The following CNTNAP3B variants were observed in gnomAD, a reference collection of about 807,000 sequenced individuals.
The protein encoded by CNTNAP3B is contactin associated protein family member 3B, also known as contactin-associated protein-like 3B.
CNTNAP3B carries 25 observed loss-of-function variants against 108.9 expected under a neutral mutation model. The observed-to-expected ratio is 0.23, with a 90% CI of 0.17 to 0.32. The LOEUF (loss-of-function observed/expected upper bound fraction) is 0.32, where lower values mean the gene tolerates loss of function less well. Among genes scored for constraint, CNTNAP3B ranks in the 10% least tolerant of loss-of-function variants. CNTNAP3B has a pLI of 1.00. For missense variants in CNTNAP3B, 252 were observed against 1,210.4 expected, an observed-to-expected ratio of 0.21 and a Z score of 11.75; for synonymous variants, 103 against 473.4, an observed-to-expected ratio of 0.22 and a Z score of 10.16.
intron 13 of CNTNAP3B, among the ~76,000 whole-genome samples, chr9:41,942,291 T>C (rs1824374692): frequency 6.6e-6 from 1 of 152,208 alleles, no homozygotes; most frequent in Admixed American, 6.5e-5. Flanking sequence ...CTGGCTAACA[T>C]GGTGAAACCC....
rs1229387534 is a variant in CNTNAP3B, at chr9:42,071,931, G to C, written c.390+4938C>G. Among the ~76,000 whole-genome samples, 4 of 151,122 alleles carry C rather than the reference G, an allele frequency of 2.6e-5. No homozygotes were observed. In the South Asian group the frequency reaches 8.4e-4, roughly 32 times the overall value. ...GGGTAATAGGTTTGGTGATGGGAAG[G>C]ATATGGAGATAATAAACTTAGTTTT... On this transcript the variant is annotated intron_variant, in intron 3 of 23. Transcript: ENST00000377561.
At chr9:42,069,833 G>C (rs1018877562) in intron 3 of CNTNAP3B, among the ~76,000 whole-genome samples, 1 of 83,448 alleles carries the variant, frequency 1.2e-5, no homozygotes, top group African/African-American at 5.4e-5. Context: ...ATGTGTATGT[G>C]TGTGTGTATA....
At chr9:41,972,936 CT>C (rs1212724871) in intron 9 of CNTNAP3B, among the ~76,000 whole-genome samples, 4,600 of 47,022 alleles carry the variant, frequency 0.098, 121 homozygotes, top group East Asian at 0.17. Context: ...CTTAGGTTAT[CT>C]TTTTTTTTTT....
intron 1 of CNTNAP3B, among the ~76,000 whole-genome samples, chr9:42,120,876 A>G (rs1448374376): frequency 7.4e-6 from 1 of 135,436 alleles, no homozygotes; most frequent in East Asian, 2.3e-4. Flanking sequence ...AATGTAAATG[A>G]CAAGTTAATG....
intron 2 of CNTNAP3B, among the ~76,000 whole-genome samples, chr9:42,098,312 G>A (rs1206798187): frequency 3.9e-5 from 5 of 127,416 alleles, no homozygotes; most frequent in East Asian, 2.5e-4. Context: ...GGTGGCTCAC[G>A]CCTGTAATCC....
At chr9:42,086,088 G>A (rs1827697199) in intron 2 of CNTNAP3B, among the ~76,000 whole-genome samples, 1 of 140,118 alleles carries the variant, frequency 7.1e-6, no homozygotes, top group African/African-American at 2.8e-5. Flanking sequence ...TTTCCATGTG[G>A]CTGAGGAGGC....
At chr9:42,075,379 G>T (rs575969164) in intron 3 of CNTNAP3B, among the ~76,000 whole-genome samples, 1 of 140,596 alleles carries the variant, frequency 7.1e-6, no homozygotes. Context: ...CAGTGACTTT[G>T]AAAGGAAGCT....
chr9:42,122,431 C>G lies in CNTNAP3B; in HGVS notation c.85+6579G>C, dbSNP rs1197450621. Among the ~76,000 whole-genome samples, 9 of 134,974 alleles carry G rather than the reference C, an allele frequency of 6.7e-5. 1 individual carries two copies. The highest frequency in any genetic ancestry group is 1.3e-4 in the Non-Finnish European group (8 of 63,710). The allele number at this position is 134,974 out of a possible 152,430, so 88.5% of individuals were successfully genotyped here. ...TTGTAAATTGTAGGTTCTGTGACAGCCTGTGCTATAAAATTTCATAAGCTT... is the reference window on the plus strand; with the variant it reads ...TTGTAAATTGTAGGTTCTGTGACAGGCTGTGCTATAAAATTTCATAAGCTT... On this transcript the variant is annotated intron_variant, in intron 1 of 23. Coordinates refer to ENST00000377561, the MANE Select transcript of CNTNAP3B (RefSeq NM_001201380.3).
At chr9:42,053,397 G>T (rs1826995235) in intron 3 of CNTNAP3B, among the ~76,000 whole-genome samples, 1 of 134,310 alleles carries the variant, frequency 7.4e-6, no homozygotes, top group South Asian at 2.4e-4. Context: ...ATAATTTGGG[G>T]GAAAGGCCAG....
chr9:41,940,660 C>T (rs1261889171), intron 13 of CNTNAP3B, among the ~76,000 whole-genome samples: 8 of 152,248 alleles, frequency 5.3e-5, no homozygotes, highest in African/African-American at 7.2e-5. Flanking sequence ...ACTAAAAATA[C>T]AAAAAATAGA....
intron 10 of CNTNAP3B, among the ~76,000 whole-genome samples, chr9:41,966,992 TC>T (rs1258239006): frequency 1.1e-4 from 17 of 150,136 alleles, no homozygotes; most frequent in African/African-American, 4.0e-4. Context: ...CAAACACCTA[TC>T]CAAACATAAA....
chr9:42,113,095 T>A (rs2118719145), intron 1 of CNTNAP3B, among the ~76,000 whole-genome samples: 1 of 136,298 alleles, frequency 7.3e-6, no homozygotes, highest in South Asian at 2.4e-4. Context: ...GACGATCTAC[T>A]CTACAGTCAT....
At position 41,966,470 on chromosome 9, in the gene CNTNAP3B, A is replaced by G. The variant is rs1825278105; in HGVS notation, c.1650-1826T>C. Reference sequence around the variant, plus strand: ...AGTAGCTAGCATGCAGAAGACCAACAGAGGGGAAGATGGCAGAGGGAGGGC... The same window carrying G: ...AGTAGCTAGCATGCAGAAGACCAACGGAGGGGAAGATGGCAGAGGGAGGGC... On this transcript the variant is annotated intron_variant, in intron 10 of 23. Coordinates refer to ENST00000377561, the MANE Select transcript of CNTNAP3B (RefSeq NM_001201380.3). Among the ~76,000 whole-genome samples, 3 of 152,278 alleles carry G rather than the reference A, an allele frequency of 2.0e-5. No homozygotes were observed. In the South Asian group the frequency reaches 6.2e-4, roughly 32 times the overall value.
chr9:41,961,722 C>T (rs1354733841), intron 11 of CNTNAP3B, among the ~76,000 whole-genome samples: 19 of 152,406 alleles, frequency 1.2e-4, no homozygotes, highest in African/African-American at 4.6e-4. Context: ...AAGTATTTTG[C>T]AAGTGACAAT....
chr9:42,126,426 G>GC (rs1188873643), intron 1 of CNTNAP3B, among the ~76,000 whole-genome samples: 1 of 133,896 alleles, frequency 7.5e-6, no homozygotes, highest in African/African-American at 3.0e-5. Context: ...TTCACTCAGT[G>GC]CAAGTCTATG....
chr9:42,075,696 C>A (rs1000076866), intron 3 of CNTNAP3B, among the ~76,000 whole-genome samples: 7 of 128,246 alleles, frequency 5.5e-5, no homozygotes, highest in African/African-American at 2.2e-4. Context: ...ATTACAAATA[C>A]GATGCAGACT....
intron 3 of CNTNAP3B, among the ~76,000 whole-genome samples, chr9:42,076,520 G>T (rs1405937862): frequency 8.5e-6 from 1 of 117,586 alleles, no homozygotes; most frequent in Non-Finnish European, 1.7e-5. Context: ...TCCTGTACTT[G>T]TCATACACAC....
intron 1 of CNTNAP3B, among the ~76,000 whole-genome samples, chr9:42,112,868 G>GTT (rs61267342): frequency 0.35 from 32,954 of 95,038 alleles, 7,559 homozygotes; most frequent in East Asian, 0.6. Context: ...AGTTTACAGA[G>GTT]TTTTTTTTTT....
In CNTNAP3B at chr9:42,089,018, A is replaced by G. The variant is rs1307482364; in HGVS notation, c.197-11956T>C. ...AATCCCCTGAGGCCAGGAGTTGGAG[A>G]CCAGCCTGGTAAACATGGTGAAACC... On this transcript the variant is annotated intron_variant, in intron 2 of 23. Coordinates refer to ENST00000377561, the MANE Select transcript of CNTNAP3B (RefSeq NM_001201380.3). Among the ~76,000 whole-genome samples, 16 of 121,606 alleles carry G rather than the reference A, an allele frequency of 1.3e-4. 2 individuals are homozygous for G. Among genetic ancestry groups the G allele is most frequent in the African/African-American group, 5.4e-4 (16 of 29,484 alleles). The allele number at this position is 121,606 out of a possible 152,430, so 79.8% of individuals were successfully genotyped here. A position where few individuals can be genotyped will look rare whatever the true frequency, so the allele number is the denominator to read the frequency against.
Sources: gnomAD v4.1 joint callset for allele counts (sites outside exome capture counted in the v4.1 genomes callset) on GRCh38, gnomAD v4.1.1 for gene constraint, MANE v1.5 for transcripts, NCBI Gene and HGNC (gene_info 2026-07-23, HGNC 2026-07-21) for gene names.